The following PRKG1 variants were observed in gnomAD, a reference collection of about 807,000 sequenced individuals.
PRKG1 encodes cGMP-dependent protein kinase 1.
In PRKG1, 35 loss-of-function variants were observed where a neutral mutation model predicts 88.1. The ratio of observed to expected loss-of-function variants is 0.40; its 90% CI spans 0.30 to 0.53. PRKG1 has a LOEUF of 0.53. Ranked by LOEUF, PRKG1 falls within the 20% of genes least tolerant of loss-of-function variation. The pLI is 0.59. For missense variants in PRKG1, 540 were observed against 839.8 expected (o/e 0.64, Z 4.41); for synonymous variants, 303 against 292.5 (o/e 1.04, Z -0.37).
At chr10:51,194,992 C>G (rs975934728) in intron 2 of PRKG1, among the ~76,000 whole-genome samples, 7 of 152,286 alleles carry the variant, frequency 4.6e-5, no homozygotes, top group Middle Eastern at 3.4e-3. Flanking sequence ...GTCACTGTTG[C>G]ATTGGGATTA....
At chr10:51,606,732 TATC>T (rs1649274122) in intron 3 of PRKG1, among the ~76,000 whole-genome samples, 1 of 152,220 alleles carries the variant, frequency 6.6e-6, no homozygotes, top group Non-Finnish European at 1.5e-5. Flanking sequence ...GCGCGTCTTC[TATC>T]ATCATTTCTT....
At chr10:51,658,505 A>G (rs985602858) in intron 3 of PRKG1, among the ~76,000 whole-genome samples, 1 of 152,024 alleles carries the variant, frequency 6.6e-6, no homozygotes, top group African/African-American at 2.4e-5. Context: ...CATGAATCCC[A>G]CAGGACCTTG....
chr10:52,042,138 T>A (rs1369531989), intron 5 of PRKG1, among the ~76,000 whole-genome samples: 2 of 152,166 alleles, frequency 1.3e-5, no homozygotes, highest in African/African-American at 4.8e-5. Context: ...ATTGTTGAAA[T>A]GCCCATCTAC....
intron 2 of PRKG1, among the ~76,000 whole-genome samples, chr10:51,322,475 A>G (rs773139327): frequency 6.6e-6 from 1 of 152,196 alleles, no homozygotes; most frequent in Non-Finnish European, 1.5e-5. Context: ...TCCCTGGGCA[A>G]TTGTGAGGCT....
At chr10:52,011,840 T>C (rs1214639242) in intron 5 of PRKG1, among the ~76,000 whole-genome samples, 3 of 152,126 alleles carry the variant, frequency 2.0e-5, no homozygotes, top group Non-Finnish European at 4.4e-5. Context: ...GGGCAGGTCT[T>C]ATGCTGTTCT....
Position 50,991,193 on chromosome 10 carries a change from G to A in PRKG1, c.-186G>A, listed in dbSNP as rs1395391309. 1 of 777,856 alleles carries A rather than the reference G, an allele frequency of 1.3e-6. No individual in the cohort carries two copies. The highest frequency in any genetic ancestry group is 1.9e-5 in the African/African-American group (1 of 52,304). The allele number at this position is 777,856 out of a possible 1,614,324, so 48.2% of individuals were successfully genotyped here. ...CTCGGTGCTTTTAGTCCATTCAGCA[G>A]AAGCGGATCGAAGCAGGAGGCTCCC... On this transcript the variant is annotated 5_prime_UTR_variant, in exon 1 of 18. Transcript: ENST00000401604. This position sits in a 1 kb window ranked among gnomAD's most constrained non-coding sequence, Gnocchi z 4.5.
intron 1 of PRKG1, among the ~76,000 whole-genome samples, chr10:51,145,651 T>A (rs150298248): frequency 0.026 from 4,030 of 152,254 alleles, 100 homozygotes; most frequent in Non-Finnish European, 0.039. Context: ...ACTTGAATAG[T>A]TGAATGGGAG....
At chr10:51,651,397 C>T (rs566629598) in intron 3 of PRKG1, among the ~76,000 whole-genome samples, 1 of 150,012 alleles carries the variant, frequency 6.7e-6, no homozygotes, top group East Asian at 2.0e-4. Flanking sequence ...GGTGGGATGC[C>T]CTTCCCTCTT....
Position 51,125,976 on chromosome 10 carries a change from T to A in PRKG1, c.312-27188T>A, listed in dbSNP as rs1407039815. Among the ~76,000 whole-genome samples, 225 of 127,512 alleles carry A rather than the reference T, an allele frequency of 1.8e-3. 2 individuals are homozygous for A. The highest frequency in any genetic ancestry group is 6.7e-3 in the African/African-American group (217 of 32,372). 83.7% of individuals were successfully genotyped at this position (127,512 alleles called of 152,430 possible). A position where few individuals can be genotyped will look rare whatever the true frequency, so the allele number is the denominator to read the frequency against. The stretch of plus-strand genomic sequence containing the variant: ...TTTTATATATGAATATATAATTATA[T>A]ATACATATAATTATATAAATGATAT... On this transcript the variant is annotated intron_variant, in intron 1 of 17. Transcript: ENST00000373980.
rs1842378609 is a variant in PRKG1, at chr10:52,296,194, A to T, written c.*2294A>T. On this transcript the variant is annotated 3_prime_UTR_variant, in exon 18 of 18. Coordinates refer to ENST00000373980, the MANE Select transcript of PRKG1 (RefSeq NM_006258.4). ...AGAGAATCTGCTCCTATAACGTTTTAAAAATCCCCAAAGTCCCAGAGATTA... is the reference window on the plus strand; with the variant it reads ...AGAGAATCTGCTCCTATAACGTTTTTAAAATCCCCAAAGTCCCAGAGATTA... 2 of 152,022 alleles carry T rather than the reference A, an allele frequency of 1.3e-5. No individual in the cohort carries two copies. The highest frequency in any genetic ancestry group is 1.3e-4 in the Admixed American group (2 of 15,234). 9.4% of individuals were successfully genotyped at this position (152,022 alleles called of 1,614,324 possible).
At chr10:51,851,290 G>T (rs1201544814) in intron 4 of PRKG1, among the ~76,000 whole-genome samples, 1 of 152,160 alleles carries the variant, frequency 6.6e-6, no homozygotes, top group Non-Finnish European at 1.5e-5. Flanking sequence ...ATTCTCAACT[G>T]GGAGACATTT....
chr10:51,659,723 G>C (rs570175074), intron 3 of PRKG1, among the ~76,000 whole-genome samples: 2 of 152,068 alleles, frequency 1.3e-5, no homozygotes, highest in African/African-American at 4.8e-5. Flanking sequence ...TTATGGAAAA[G>C]TATACAAAAT....
chr10:51,569,025 A>G (rs572411150), intron 3 of PRKG1, among the ~76,000 whole-genome samples: 2 of 149,226 alleles, frequency 1.3e-5, no homozygotes, highest in South Asian at 2.1e-4. Context: ...TTCAGAAACT[A>G]TTACAATATA....
chr10:51,858,688 G>C (rs1564679172), intron 4 of PRKG1, among the ~76,000 whole-genome samples: 1 of 151,414 alleles, frequency 6.6e-6, no homozygotes, highest in South Asian at 2.1e-4. Context: ...TTTACTGGGT[G>C]CCTGCCATAT....
chr10:52,159,148 T>G (rs2132683786), intron 8 of PRKG1, among the ~76,000 whole-genome samples: 1 of 151,590 alleles, frequency 6.6e-6, no homozygotes, highest in East Asian at 1.9e-4. Context: ...CTCCATTCAG[T>G]TTTAATTTTT....
At chr10:51,100,571 C>G (rs1416990432) in intron 1 of PRKG1, among the ~76,000 whole-genome samples, 1 of 152,166 alleles carries the variant, frequency 6.6e-6, no homozygotes, top group Non-Finnish European at 1.5e-5. Context: ...GCTGTGACTG[C>G]CAATAAGCAT....
chr10:51,405,838 C>T (rs1017070723), intron 2 of PRKG1, among the ~76,000 whole-genome samples: 8 of 152,014 alleles, frequency 5.3e-5, no homozygotes, highest in East Asian at 1.9e-4. Flanking sequence ...CTGCATAAGC[C>T]GTAGGGAGAT....
intron 2 of PRKG1, among the ~76,000 whole-genome samples, chr10:51,359,502 A>T (rs1327779384): frequency 6.6e-6 from 1 of 151,792 alleles, no homozygotes; most frequent in African/African-American, 2.4e-5. Flanking sequence ...TATTATTAAC[A>T]GTCATATATG....
At chr10:51,726,587 G>A (rs1842137006) in intron 3 of PRKG1, among the ~76,000 whole-genome samples, 1 of 152,028 alleles carries the variant, frequency 6.6e-6, no homozygotes, top group Admixed American at 6.5e-5. Context: ...TATAAAGCCG[G>A]GTGCACACAA....
Sources: allele counts gnomAD v4.1 joint callset (sites outside exome capture counted in the v4.1 genomes callset), GRCh38; gene constraint gnomAD v4.1.1; non-coding constraint Gnocchi (gnomAD v3.1); transcripts MANE v1.5; gene names NCBI Gene and HGNC (gene_info 2026-07-23, HGNC 2026-07-21).